The following PCDHGA2 variants were observed in gnomAD, a reference collection of about 807,000 sequenced individuals.
The protein encoded by PCDHGA2 is protocadherin gamma subfamily A, 2, also known as protocadherin gamma-A2.
In PCDHGA2, 40 loss-of-function variants were observed where a neutral mutation model predicts 59.2. The ratio of observed to expected loss-of-function variants is 0.68; its 90% confidence interval spans 0.52 to 0.88. The LOEUF (loss-of-function observed/expected upper bound fraction) is 0.88. Ranked by LOEUF, PCDHGA2 falls within the 40% of genes least tolerant of loss-of-function variation. PCDHGA2 has a pLI of 0.00. For missense variants in PCDHGA2, 1,226 were observed against 1,204.0 expected (o/e 1.02, Z -0.27); for synonymous variants, 560 against 526.0 (o/e 1.06, Z -0.89).
At chr5:141,435,877 G>A (rs1554127514) in intron 1 of PCDHGA2, among the ~76,000 whole-genome samples, 1 of 152,092 alleles carries the variant, frequency 6.6e-6, no homozygotes, top group Non-Finnish European at 1.5e-5. Flanking sequence ...AAAAGAGATT[G>A]GAAACCCCTT....
chr5:141,393,902 G>A, intron 1 of PCDHGA2: 2 of 1,613,968 alleles, frequency 1.2e-6, no homozygotes, highest in Non-Finnish European at 8.5e-7. Context: ...CTCTTCCCGG[G>A]ACAGTAATTG....
intron 1 of PCDHGA2, chr5:141,376,019 G>A (rs765198459): frequency 7.3e-5 from 117 of 1,613,176 alleles, no homozygotes; most frequent in African/African-American, 9.3e-5. Context: ...AGTGGTGGCC[G>A]TCCAGGACCA....
At chr5:141,398,864 T>A (rs1399067876) in intron 1 of PCDHGA2, 1 of 1,613,768 alleles carries the variant, frequency 6.2e-7, no homozygotes, top group Non-Finnish European at 8.5e-7. Context: ...AACCGAGACG[T>A]GTACAGAGTC....
rs375537017 is a variant in PCDHGA2 at position 141,419,439 on chromosome 5, C to T, written c.2425-75368C>T. 22 of 1,613,154 alleles carry T rather than the reference C, an allele frequency of 1.4e-5. No individual in the cohort carries two copies. Among genetic ancestry groups the T allele is most frequent in the Non-Finnish European group, 1.7e-5 (20 of 1,179,788 alleles). On this transcript the variant is annotated intron_variant, in intron 1 of 3. Transcript: ENST00000394576. ...GCCTTCGACCACGAGCAGCTGCGCACCTTCGAGCTCACGCTGCAGGCCCGC... is the reference window on the plus strand; with the variant it reads ...GCCTTCGACCACGAGCAGCTGCGCATCTTCGAGCTCACGCTGCAGGCCCGC...
At chr5:141,484,621 T>C (rs2099598239) in intron 1 of PCDHGA2, among the ~76,000 whole-genome samples, 1 of 152,058 alleles carries the variant, frequency 6.6e-6, no homozygotes, top group Admixed American at 6.6e-5. Flanking sequence ...CAACACTGGC[T>C]TGAACAAAGT....
chr5:141,344,742 G>C, intron 1 of PCDHGA2: 1 of 1,613,990 alleles, frequency 6.2e-7, no homozygotes, highest in Non-Finnish European at 8.5e-7. Context: ...GGATGCAAAT[G>C]ACAACCCACC....
chr5:141,345,184 T>A, intron 1 of PCDHGA2: 5 of 1,613,830 alleles, frequency 3.1e-6, no homozygotes, highest in Non-Finnish European at 4.2e-6. Flanking sequence ...CAGGTTGAAG[T>A]TTTTGTCCTG....
At chr5:141,372,253 GC>G in intron 1 of PCDHGA2, 1 of 1,613,158 alleles carries the variant, frequency 6.2e-7, no homozygotes, top group Non-Finnish European at 8.5e-7. Flanking sequence ...TTCAGCCTGG[GC>G]CTGCGCACGG....
Position 141,363,485 on chromosome 5 carries a change from T to A in PCDHGA2, c.2424+22090T>A, listed in dbSNP as rs1022472652. On this transcript the variant is annotated intron_variant, in intron 1 of 3. Transcript: ENST00000394576. ...ATCTGCTCATGCTTTCCTGCATGGATGATGAAATAAAACCCCATCCTCCAC... is the reference window on the plus strand; with the variant it reads ...ATCTGCTCATGCTTTCCTGCATGGAAGATGAAATAAAACCCCATCCTCCAC... Among the ~76,000 whole-genome samples the A allele has an allele frequency of 5.9e-5, 9 of 152,236 alleles. No homozygotes were observed. The East Asian group carries it at 1.5e-3, about 26-fold the overall frequency.
intron 1 of PCDHGA2, chr5:141,393,734 A>G (rs1453820640): frequency 1.9e-6 from 3 of 1,613,888 alleles, no homozygotes; most frequent in East Asian, 2.2e-5. Context: ...CAAAAAGTCT[A>G]GATTATGAAG....
At chr5:141,433,253 G>C (rs1288721469) in intron 1 of PCDHGA2, 1 of 1,416,466 alleles carries the variant, frequency 7.1e-7, no homozygotes, top group East Asian at 2.3e-5. Flanking sequence ...GAATGCAGCG[G>C]TACGATCATA....
chr5:141,511,345 T>TC lies in PCDHGA2; in HGVS notation c.*179dup, dbSNP rs535135679. The TC allele has an allele frequency of 6.6e-4, 924 of 1,410,366 alleles. 3 individuals are homozygous for TC. The African/African-American group carries it at 0.011, about 17-fold the overall frequency. 87.4% of individuals were successfully genotyped at this position (1,410,366 alleles called of 1,614,324 possible). ...AAGTGCCCAGTCAGCACCTACCCCT[T>TC]CCCCCCCAGGGGGTTGAATATGCAA... On this transcript the variant is annotated 3_prime_UTR_variant, in exon 4 of 4. Coordinates refer to ENST00000394576, the MANE Select transcript of PCDHGA2 (RefSeq NM_018915.4).
intron 1 of PCDHGA2, among the ~76,000 whole-genome samples, chr5:141,453,176 C>A (rs1225418058): frequency 6.6e-6 from 1 of 152,042 alleles, no homozygotes; most frequent in African/African-American, 2.4e-5. Flanking sequence ...TCCAGTGGTA[C>A]AATCACAGCT....
At chr5:141,354,207 T>A (rs1263653590) in intron 1 of PCDHGA2, among the ~76,000 whole-genome samples, 1 of 152,246 alleles carries the variant, frequency 6.6e-6, no homozygotes, top group South Asian at 2.1e-4. Flanking sequence ...GTCTAACTTT[T>A]CTTTTTATTT....
chr5:141,375,058 A>G (rs1346702145), intron 1 of PCDHGA2: 1 of 1,613,948 alleles, frequency 6.2e-7, no homozygotes, highest in Non-Finnish European at 8.5e-7. Flanking sequence ...GGGATGGGCC[A>G]GGTCTTCGAG....
chr5:141,413,024 C>G, intron 1 of PCDHGA2: 1 of 736,254 alleles, frequency 1.4e-6, no homozygotes, highest in Non-Finnish European at 2.1e-6. Context: ...ACAAGCCCCA[C>G]AAACCGGCTG....
chr5:141,477,157 C>G lies in PCDHGA2; in HGVS notation c.2425-17650C>G. ...TGGTGGAGGTTGTGGATGTGAATGA[C>G]AACGCCCCGGAGATCACAGTCACCT... is the stretch of plus-strand genomic sequence containing the variant. On this transcript the variant is annotated intron_variant, in intron 1 of 3. Transcript: ENST00000394576. This position sits in a 1 kb window ranked among gnomAD's most constrained non-coding sequence, Gnocchi z 4.9. 1 of 1,614,182 alleles carries G rather than the reference C, an allele frequency of 6.2e-7. No individual in the cohort carries two copies. Among genetic ancestry groups the G allele is most frequent in the Non-Finnish European group, 8.5e-7 (1 of 1,180,038 alleles).
chr5:141,464,377 T>A (rs1410334231), intron 1 of PCDHGA2, among the ~76,000 whole-genome samples: 3 of 151,486 alleles, frequency 2.0e-5, no homozygotes, highest in Admixed American at 2.0e-4. Flanking sequence ...TTTTGCAATA[T>A]AAAAAATGCT....
chr5:141,365,527 T>A lies in PCDHGA2; in HGVS notation c.2424+24132T>A, dbSNP rs746233500. 2.5e-6 allele frequency: 4 copies of A among 1,613,866 alleles called. No homozygotes were observed. The Admixed American group carries it at 6.7e-5, about 27-fold the overall frequency. On this transcript the variant is annotated intron_variant, in intron 1 of 3. Coordinates refer to ENST00000394576, the MANE Select transcript of PCDHGA2 (RefSeq NM_018915.4). ...CTTTTAAATTGGAGAAGTCAGTTGA[T>A]AATTACTATCACCTATTAACAACTA...
Sources: gnomAD v4.1 joint callset for allele counts (sites outside exome capture counted in the v4.1 genomes callset) on GRCh38, gnomAD v4.1.1 for gene constraint, Gnocchi (gnomAD v3.1) non-coding constraint, MANE v1.5 for transcripts, NCBI Gene and HGNC (gene_info 2026-07-23, HGNC 2026-07-21) for gene names.